SIMC1: variants seen among roughly 807,000 people sequenced by gnomAD.
The protein encoded by SIMC1 is SUMO interacting motifs containing 1.
In SIMC1, 55 loss-of-function variants were observed where a neutral mutation model predicts 82.3. The ratio of observed to expected loss-of-function variants is 0.67; its 90% confidence interval spans 0.54 to 0.84. The LOEUF (loss-of-function observed/expected upper bound fraction) is 0.84. SIMC1 is among the 40% of genes least tolerant of loss of function. The probability of loss-of-function intolerance (pLI) is 0.00; values close to 1 mark genes in which losing one functional copy is unlikely to be tolerated. For missense variants in SIMC1, 915 were observed against 1,107.2 expected (o/e 0.83, Z 2.46); for synonymous variants, 353 against 426.3 (o/e 0.83, Z 2.12).
intron 9 of SIMC1, among the ~76,000 whole-genome samples, chr5:176,341,074 G>C (rs1252914544): frequency 1.3e-5 from 2 of 152,210 alleles, no homozygotes; most frequent in African/African-American, 4.8e-5. Context: ...TTGAACCCGG[G>C]AGGCAGAGGT....
At chr5:176,284,947 A>C (rs1485738542) in intron 1 of SIMC1, among the ~76,000 whole-genome samples, 1 of 152,218 alleles carries the variant, frequency 6.6e-6, no homozygotes, top group African/African-American at 2.4e-5. Context: ...TCTGAAATTG[A>C]GGCAATAATT....
chr5:176,245,731 A>G (rs1361120075), intron 1 of SIMC1, among the ~76,000 whole-genome samples: 1 of 152,170 alleles, frequency 6.6e-6, no homozygotes, highest in Non-Finnish European at 1.5e-5. Flanking sequence ...GAGCCATAAT[A>G]AACTATGTGT....
intron 2 of SIMC1, among the ~76,000 whole-genome samples, chr5:176,294,005 CA>C (rs549263266): frequency 2.6e-3 from 374 of 145,908 alleles, no homozygotes; most frequent in Middle Eastern, 0.014. Flanking sequence ...ACTGTTCGCA[CA>C]AAAAAAAAAT....
At chr5:176,283,427 C>T (rs886432410) in intron 1 of SIMC1, among the ~76,000 whole-genome samples, 2 of 152,152 alleles carry the variant, frequency 1.3e-5, no homozygotes, top group African/African-American at 2.4e-5. Flanking sequence ...CCAAACGAAG[C>T]TTCATAAGCG....
At position 176,259,722 on chromosome 5, in the gene SIMC1, G is replaced by A. The variant is rs1283911631; in HGVS notation, c.129+21085G>A. Among the ~76,000 whole-genome samples the A allele has an allele frequency of 8.7e-5, 13 of 149,726 alleles. No homozygotes were observed. In the East Asian group the frequency reaches 1.6e-3, roughly 18 times the overall value. ...TGGGAGGTGGAGGTTGCAGTGAGCC[G>A]AAATCGTGCCACTGCACTCCAGCCT... On this transcript the variant is annotated intron_variant, in intron 1 of 9. Coordinates refer to ENST00000429602, the MANE Select transcript of SIMC1 (RefSeq NM_001308195.2).
chr5:176,331,798 A>G (rs1021036214), intron 7 of SIMC1, among the ~76,000 whole-genome samples: 1 of 151,974 alleles, frequency 6.6e-6, no homozygotes, highest in African/African-American at 2.4e-5. Context: ...GTGAAACTCC[A>G]TCTCTACTAA....
At chr5:176,255,915 C>T in intron 1 of SIMC1, among the ~76,000 whole-genome samples, 1 of 151,968 alleles carries the variant, frequency 6.6e-6, no homozygotes, top group East Asian at 1.9e-4. Flanking sequence ...ATTATCACCT[C>T]ACCAAACAAA....
At chr5:176,285,924 A>C (rs994236095) in intron 1 of SIMC1, among the ~76,000 whole-genome samples, 2 of 152,254 alleles carry the variant, frequency 1.3e-5, no homozygotes, top group African/African-American at 2.4e-5. Context: ...AATCCAACTT[A>C]CAAGGGATGT....
chr5:176,298,921 T>C (rs557779611), intron 4 of SIMC1, among the ~76,000 whole-genome samples: 1 of 152,338 alleles, frequency 6.6e-6, no homozygotes, highest in East Asian at 1.9e-4. Flanking sequence ...CTGAAAAGGC[T>C]ACAAGACGTA....
chr5:176,322,232 AAAAG>A (rs546994883), intron 5 of SIMC1, 37 bp from the exon 6 acceptor site: 180 of 1,522,754 alleles, frequency 1.2e-4, no homozygotes, highest in East Asian at 8.3e-4. Flanking sequence ...TCTGCACAGA[AAAAG>A]AAAGAATAAA....
chr5:176,316,967 A>G lies in SIMC1; in HGVS notation c.1889+3122A>G, dbSNP rs181043329. ...GCACCACTGCAATTCAGCCTGGGCAACAGAGGAAGACTCTATCTCAAAAAC... is the reference window on the plus strand; with the variant it reads ...GCACCACTGCAATTCAGCCTGGGCAGCAGAGGAAGACTCTATCTCAAAAAC... On this transcript the variant is annotated intron_variant, in intron 5 of 9. Coordinates refer to ENST00000429602, the MANE Select transcript of SIMC1 (RefSeq NM_001308195.2). 1.3e-3 allele frequency among the ~76,000 whole-genome samples: 196 copies of G among 152,324 alleles called. 1 individual carries two copies. The highest frequency in any genetic ancestry group is 4.5e-3 in the African/African-American group (189 of 41,572).
intron 7 of SIMC1, among the ~76,000 whole-genome samples, chr5:176,335,910 G>A (rs1192847690): frequency 4.6e-5 from 7 of 152,120 alleles, no homozygotes; most frequent in African/African-American, 1.4e-4. Flanking sequence ...AGGGACAGTG[G>A]CACACTCCTG....
chr5:176,305,490 A>G (rs1581281860), intron 4 of SIMC1, among the ~76,000 whole-genome samples: 4 of 87,972 alleles, frequency 4.5e-5, no homozygotes, highest in Admixed American at 1.1e-4. Context: ...GGAAGTGAGG[A>G]GCCCCTCAGC....
At chr5:176,254,177 C>G (rs1412788310) in intron 1 of SIMC1, among the ~76,000 whole-genome samples, 5 of 152,236 alleles carry the variant, frequency 3.3e-5, no homozygotes, top group Admixed American at 1.3e-4. Flanking sequence ...AGGTCACCCA[C>G]TAGATGGACT....
intron 8 of SIMC1, 81 bp from the exon 9 acceptor site, chr5:176,336,981 C>T: frequency 6.2e-7 from 1 of 1,601,206 alleles, no homozygotes. Flanking sequence ...TTTGAGCATT[C>T]TGTAAAGGTG....
chr5:176,244,812 A>G (rs1657800593), intron 1 of SIMC1, among the ~76,000 whole-genome samples: 1 of 137,528 alleles, frequency 7.3e-6, no homozygotes, highest in African/African-American at 2.8e-5. Flanking sequence ...ACCTCCACCT[A>G]CCTGGCTCAA....
intron 1 of SIMC1, among the ~76,000 whole-genome samples, chr5:176,271,792 T>A (rs1294828567): frequency 6.7e-6 from 1 of 150,196 alleles, no homozygotes; most frequent in Non-Finnish European, 1.5e-5. Flanking sequence ...CTGATGTGAT[T>A]ATTACACATT....
chr5:176,275,297 G>A (rs1762637047), intron 1 of SIMC1, among the ~76,000 whole-genome samples: 1 of 151,892 alleles, frequency 6.6e-6, no homozygotes, highest in South Asian at 2.1e-4. Context: ...GTATAAGAAT[G>A]CTTGTAATTT....
chr5:176,259,264 G>A (rs1241143253), intron 1 of SIMC1, among the ~76,000 whole-genome samples: 1 of 151,776 alleles, frequency 6.6e-6, no homozygotes, highest in Non-Finnish European at 1.5e-5. Flanking sequence ...TTGGGAGTTT[G>A]AGACCAGCCT....
Sources: allele counts gnomAD v4.1 joint callset (sites outside exome capture counted in the v4.1 genomes callset), GRCh38; gene constraint gnomAD v4.1.1; transcripts MANE v1.5; gene names NCBI Gene and HGNC (gene_info 2026-07-23, HGNC 2026-07-21).